The following RASGRF1 variants were observed in gnomAD, a reference collection of about 807,000 sequenced individuals.
RASGRF1 encodes the protein ras-specific guanine nucleotide-releasing factor 1.
RASGRF1 carries 40 observed loss-of-function variants against 138.7 expected under a neutral mutation model. The ratio of observed to expected loss-of-function variants is 0.29; its 90% confidence interval spans 0.22 to 0.38. The LOEUF (loss-of-function observed/expected upper bound fraction) is 0.38. RASGRF1 is among the 10% of genes least tolerant of loss of function. The pLI, the probability that RASGRF1 is intolerant of heterozygous loss-of-function variation, is 1.00. For missense variants in RASGRF1, 1,108 were observed against 1,650.4 expected (o/e 0.67, Z 5.69); for synonymous variants, 614 against 663.2 (o/e 0.93, Z 1.14).
rs1158251208 is a variant in RASGRF1, at chr15:78,990,303, A to G, written c.3132-30T>C. The stretch of plus-strand genomic sequence containing the variant: ...AGGAAGTAAGGGGAGACCCAGGTGG[A>G]GGGGGTGAGGTTTGCCTTGCTGATT... On this transcript the variant is annotated intron_variant, in intron 21 of 26. Coordinates refer to ENST00000558480, the MANE Select transcript of RASGRF1 (RefSeq NM_001145648.3). The G allele has an allele frequency of 2.0e-6, 3 of 1,468,596 alleles. No individual in the cohort carries two copies. In the African/African-American group the frequency reaches 4.2e-5, roughly 20 times the overall value. The allele number at this position is 1,468,596 out of a possible 1,614,324, so 91.0% of individuals were successfully genotyped here.
intron 21 of RASGRF1, among the ~76,000 whole-genome samples, chr15:78,991,343 C>T (rs2056262951): frequency 6.6e-6 from 1 of 152,226 alleles, no homozygotes; most frequent in African/African-American, 2.4e-5. Flanking sequence ...CTGGAGGTCA[C>T]TGGACCTACA....
At chr15:79,064,969 C>G (rs1337359952) in intron 1 of RASGRF1, among the ~76,000 whole-genome samples, 1 of 152,174 alleles carries the variant, frequency 6.6e-6, no homozygotes, top group African/African-American at 2.4e-5. Context: ...TAAACAGACA[C>G]GGTCCCTGTA....
At chr15:79,090,123 A>C in intron 1 of RASGRF1, 100 bp downstream of exon 1, 3 of 1,405,302 alleles carry the variant, frequency 2.1e-6, no homozygotes, top group South Asian at 1.5e-5. Flanking sequence ...CGCCAAGAGT[A>C]GAGGGGCCAA....
intron 3 of RASGRF1, among the ~76,000 whole-genome samples, chr15:79,054,927 T>C (rs62011240): frequency 0.094 from 14,267 of 152,068 alleles, 820 homozygotes; most frequent in Admixed American, 0.12. Flanking sequence ...CAGGAATATG[T>C]GGGATGGGGC....
chr15:78,960,195 G>A lies in RASGRF1; in HGVS notation c.*1949C>T, dbSNP rs2055521596. ...CACAAAGTAGGGCTAGGATGAAAAT[G>A]CCTGGAGGAAACGGAAAAGCAGTTA... On this transcript the variant is annotated 3_prime_UTR_variant, in exon 27 of 27. Transcript: ENST00000558480. 1 of 152,448 alleles carries A rather than the reference G, an allele frequency of 6.6e-6. No homozygotes were observed. Among genetic ancestry groups the A allele is most frequent in the African/African-American group, 2.4e-5 (1 of 41,460 alleles). The allele number at this position is 152,448 out of a possible 1,614,324, so 9.4% of individuals were successfully genotyped here.
At position 79,046,438 on chromosome 15, in the gene RASGRF1, C is replaced by T. The variant is rs564819798; in HGVS notation, c.878+308G>A. 8.0e-4 allele frequency among the ~76,000 whole-genome samples: 122 copies of T among 152,338 alleles called. 1 individual carries two copies. Among genetic ancestry groups the T allele is most frequent in the African/African-American group, 2.7e-3 (112 of 41,578 alleles). On this transcript the variant is annotated intron_variant, in intron 5 of 26. Coordinates refer to ENST00000558480, the MANE Select transcript of RASGRF1 (RefSeq NM_001145648.3). This position sits in a 1 kb window ranked among gnomAD's most constrained non-coding sequence, Gnocchi z 5.3. ...TCTACCCATTAGATGCCAACAGCAACCTCCCTCAAGTGGTGACAATCAACA... is the reference window on the plus strand; with the variant it reads ...TCTACCCATTAGATGCCAACAGCAATCTCCCTCAAGTGGTGACAATCAACA...
intron 10 of RASGRF1, among the ~76,000 whole-genome samples, chr15:79,023,735 T>C (rs2057000182): frequency 1.3e-5 from 2 of 152,142 alleles, no homozygotes; most frequent in African/African-American, 4.8e-5. Context: ...CCTGAGGCTC[T>C]GTGTGGAGCA....
At chr15:78,966,718 G>A (rs1449500101) in intron 26 of RASGRF1, among the ~76,000 whole-genome samples, 1 of 152,044 alleles carries the variant, frequency 6.6e-6, no homozygotes, top group Admixed American at 6.6e-5. Flanking sequence ...CAGCCACCAG[G>A]CCTGGCTCTC....
intron 9 of RASGRF1, among the ~76,000 whole-genome samples, chr15:79,026,334 T>A (rs1002014848): frequency 6.6e-6 from 1 of 152,222 alleles, no homozygotes; most frequent in Non-Finnish European, 1.5e-5. Flanking sequence ...CTTCCTTCAC[T>A]CTGTCTTCCC....
chr15:79,007,544 AG>A (rs1157412424), intron 13 of RASGRF1, among the ~76,000 whole-genome samples: 12 of 49,704 alleles, frequency 2.4e-4, no homozygotes, highest in African/African-American at 8.5e-4. Flanking sequence ...GGCCGTATCT[AG>A]TTTTTTTTTT....
chr15:79,041,121 T>G (rs978505742), intron 5 of RASGRF1, among the ~76,000 whole-genome samples: 2 of 152,280 alleles, frequency 1.3e-5, no homozygotes, highest in Non-Finnish European at 1.5e-5. Flanking sequence ...CTGCTGTTTT[T>G]GCGTGGCCTG....
chr15:79,052,205 G>A (rs568915034), intron 3 of RASGRF1, among the ~76,000 whole-genome samples: 1 of 152,092 alleles, frequency 6.6e-6, no homozygotes, highest in South Asian at 2.1e-4. Flanking sequence ...TGCTACACCT[G>A]CTTTGGGCAC....
At chr15:79,058,622 G>T in intron 2 of RASGRF1, 141 bp from the exon 3 acceptor site, 1 of 1,150,840 alleles carries the variant, frequency 8.7e-7, no homozygotes, top group Non-Finnish European at 1.2e-6. Flanking sequence ...TGCAGAGTGA[G>T]AGGGCTTGGC....
intron 10 of RASGRF1, among the ~76,000 whole-genome samples, chr15:79,022,209 G>A (rs1302546735): frequency 1.3e-5 from 2 of 152,198 alleles, no homozygotes; most frequent in Non-Finnish European, 2.9e-5. Flanking sequence ...GGAGGCTGAG[G>A]CTGGTGGATC....
intron 15 of RASGRF1, among the ~76,000 whole-genome samples, chr15:79,002,758 G>A (rs746520973): frequency 2.8e-4 from 43 of 152,202 alleles, no homozygotes; most frequent in Non-Finnish European, 3.7e-4. Flanking sequence ...CATGTGCCAC[G>A]GTGAGTGTTA....
intron 1 of RASGRF1, among the ~76,000 whole-genome samples, chr15:79,084,707 A>C (rs1001990358): frequency 5.9e-5 from 9 of 152,124 alleles, no homozygotes; most frequent in Non-Finnish European, 1.3e-4. Flanking sequence ...TGGGCTTCTC[A>C]AATGTGACCT....
At chr15:78,979,000 G>T in intron 24 of RASGRF1, 1 of 1,292,570 alleles carries the variant, frequency 7.7e-7, no homozygotes, top group South Asian at 1.2e-5. Flanking sequence ...GGGCCCCAGA[G>T]GCAGTGGAGG....
At chr15:79,035,796 A>G (rs2083135579) in intron 5 of RASGRF1, among the ~76,000 whole-genome samples, 1 of 152,174 alleles carries the variant, frequency 6.6e-6, no homozygotes, top group Admixed American at 6.5e-5. Context: ...CCTGGAAGCA[A>G]TGGGACAATT....
chr15:78,986,506 C>T (rs190366031), intron 22 of RASGRF1, among the ~76,000 whole-genome samples: 60 of 151,976 alleles, frequency 3.9e-4, no homozygotes, highest in African/African-American at 1.3e-3. Context: ...ACCACCATGC[C>T]TGACTAAGTT....
Sources: gnomAD v4.1 joint callset for allele counts (sites outside exome capture counted in the v4.1 genomes callset) on GRCh38, gnomAD v4.1.1 for gene constraint, Gnocchi (gnomAD v3.1) non-coding constraint, MANE v1.5 for transcripts, NCBI Gene and HGNC (gene_info 2026-07-23, HGNC 2026-07-21) for gene names.